ZNF804B: variants seen among roughly 807,000 people sequenced by gnomAD.
ZNF804B encodes the protein zinc finger protein 804B, also known as zinc finger 804B.
Under a neutral mutation model 101.4 loss-of-function variants are expected in ZNF804B, and 80 were observed. That is an observed-to-expected ratio of 0.79 (90% CI 0.66 to 0.95). ZNF804B has a LOEUF of 0.95. Ranked by LOEUF, ZNF804B falls within the 40% of genes least tolerant of loss-of-function variation. The pLI is 0.00. For synonymous variants in ZNF804B, 622 were observed against 558.8 expected (o/e 1.11, Z -1.59); for missense variants, 1,673 against 1,561.9 (o/e 1.07, Z -1.20).
intron 1 of ZNF804B, among the ~76,000 whole-genome samples, chr7:89,031,518 A>G (rs1788834580): frequency 6.6e-6 from 1 of 152,118 alleles, no homozygotes; most frequent in African/African-American, 2.4e-5. Context: ...TCTAAGTGAT[A>G]TAATATGGAT....
chr7:88,962,708 C>CATATATATAT lies in ZNF804B; in HGVS notation c.108+202655_108+202664dup, dbSNP rs71120046. ...AAAGTTATAAATGTTGTTAAACTCA[C>CATATATATAT]ATATATATATATATATATATATATA... On this transcript the variant is annotated intron_variant, in intron 1 of 3. Transcript: ENST00000333190. Among the ~76,000 whole-genome samples the CATATATATAT allele has an allele frequency of 2.2e-3, 186 of 84,126 alleles. 4 individuals carry two copies. Among genetic ancestry groups the CATATATATAT allele is most frequent in the Non-Finnish European group, 2.6e-3 (103 of 39,320 alleles). The allele number at this position is 84,126 out of a possible 152,430, so 55.2% of individuals were successfully genotyped here. A position where few individuals can be genotyped will look rare whatever the true frequency, so the allele number is the denominator to read the frequency against.
chr7:88,926,938 G>GCC (rs113089451), intron 1 of ZNF804B, among the ~76,000 whole-genome samples: 1 of 142,600 alleles, frequency 7.0e-6, no homozygotes, highest in African/African-American at 2.9e-5. Flanking sequence ...CCGGGTGGTG[G>GCC]GGAGCGGGGG....
At chr7:89,059,175 G>A (rs1281840480) in intron 1 of ZNF804B, among the ~76,000 whole-genome samples, 1 of 152,140 alleles carries the variant, frequency 6.6e-6, no homozygotes, top group East Asian at 1.9e-4. Flanking sequence ...TGCATTTTCA[G>A]TTGTATGCAG....
intron 2 of ZNF804B, among the ~76,000 whole-genome samples, chr7:89,293,949 T>A (rs1790340309): frequency 6.6e-6 from 1 of 152,218 alleles, no homozygotes; most frequent in Non-Finnish European, 1.5e-5. Context: ...TTTTCCGGTT[T>A]TGTTAAAAGT....
At chr7:89,084,964 A>G (rs73216667) in intron 1 of ZNF804B, among the ~76,000 whole-genome samples, 4,503 of 152,034 alleles carry the variant, frequency 0.03, 101 homozygotes, top group Non-Finnish European at 0.044. Flanking sequence ...ATAAAATAAT[A>G]TTACTGAAAG....
intron 1 of ZNF804B, among the ~76,000 whole-genome samples, chr7:89,017,186 T>C (rs1436306520): frequency 6.6e-6 from 1 of 152,222 alleles, no homozygotes; most frequent in African/African-American, 2.4e-5. Context: ...ACATTGATAT[T>C]GTATCGTGAG....
intron 1 of ZNF804B, among the ~76,000 whole-genome samples, chr7:89,152,962 A>G (rs1790901635): frequency 6.6e-6 from 1 of 152,130 alleles, no homozygotes; most frequent in African/African-American, 2.4e-5. Context: ...CCACAGGTGT[A>G]TGAAAGAAAA....
chr7:89,027,911 G>T (rs1463374415), intron 1 of ZNF804B, among the ~76,000 whole-genome samples: 1 of 152,120 alleles, frequency 6.6e-6, no homozygotes, highest in Non-Finnish European at 1.5e-5. Context: ...TAGGCAGTTG[G>T]TCATCTCCTT....
chr7:89,248,936 T>C (rs1157010932), intron 2 of ZNF804B, among the ~76,000 whole-genome samples: 1 of 150,358 alleles, frequency 6.7e-6, no homozygotes, highest in East Asian at 1.9e-4. Context: ...AAGTAAAGGA[T>C]TGGAAAAAGA....
intron 1 of ZNF804B, among the ~76,000 whole-genome samples, chr7:88,820,382 G>A (rs1490283947): frequency 1.3e-5 from 2 of 152,122 alleles, no homozygotes; most frequent in African/African-American, 4.8e-5. Context: ...GCCTCCTAGG[G>A]TTCAGGTGTT....
chr7:89,004,974 A>G (rs961079545), intron 1 of ZNF804B, among the ~76,000 whole-genome samples: 1 of 151,894 alleles, frequency 6.6e-6, no homozygotes, highest in East Asian at 1.9e-4. Flanking sequence ...CACAAACACT[A>G]TTATTGTTTA....
intron 1 of ZNF804B, among the ~76,000 whole-genome samples, chr7:88,775,711 TTA>T (rs1790131503): frequency 6.6e-6 from 1 of 152,224 alleles, no homozygotes; most frequent in South Asian, 2.1e-4. Flanking sequence ...TCTTCTCTTC[TTA>T]TAAGAGTCAA....
At chr7:88,828,773 T>C (rs1474307378) in intron 1 of ZNF804B, among the ~76,000 whole-genome samples, 1 of 152,134 alleles carries the variant, frequency 6.6e-6, no homozygotes, top group Non-Finnish European at 1.5e-5. Context: ...ATATTGTTCA[T>C]TCTGACATTT....
At chr7:88,800,480 C>A (rs1199357982) in intron 1 of ZNF804B, among the ~76,000 whole-genome samples, 1 of 152,024 alleles carries the variant, frequency 6.6e-6, no homozygotes, top group Non-Finnish European at 1.5e-5. Context: ...TGGAAATATT[C>A]TTGTGAATCA....
At chr7:89,063,168 T>A (rs1789403308) in intron 1 of ZNF804B, among the ~76,000 whole-genome samples, 1 of 152,110 alleles carries the variant, frequency 6.6e-6, no homozygotes, top group South Asian at 2.1e-4. Flanking sequence ...TCCTCCCCAA[T>A]TAGAAAGAAA....
At chr7:88,770,179 G>A (rs994268104) in intron 1 of ZNF804B, among the ~76,000 whole-genome samples, 1 of 152,074 alleles carries the variant, frequency 6.6e-6, no homozygotes, top group African/African-American at 2.4e-5. Context: ...CCCCAAAGAT[G>A]TTTATATTTG....
At chr7:89,280,221 A>G (rs1025844286) in intron 2 of ZNF804B, among the ~76,000 whole-genome samples, 13 of 152,102 alleles carry the variant, frequency 8.5e-5, no homozygotes, top group African/African-American at 2.7e-4. Flanking sequence ...GAGAACAAAG[A>G]CACAACATAC....
chr7:89,275,294 C>T (rs545538531), intron 2 of ZNF804B, among the ~76,000 whole-genome samples: 5 of 152,096 alleles, frequency 3.3e-5, no homozygotes, highest in South Asian at 2.1e-4. Context: ...CTTGTTAACA[C>T]CCAGAAATAC....
At chr7:88,939,615 A>G (rs1793027370) in intron 1 of ZNF804B, among the ~76,000 whole-genome samples, 1 of 151,958 alleles carries the variant, frequency 6.6e-6, no homozygotes, top group Admixed American at 6.6e-5. Context: ...TTCTCCCATT[A>G]AAAGCCACAG....
Sources: gnomAD v4.1 joint callset for allele counts (sites outside exome capture counted in the v4.1 genomes callset) on GRCh38, gnomAD v4.1.1 for gene constraint, MANE v1.5 for transcripts, NCBI Gene and HGNC (gene_info 2026-07-23, HGNC 2026-07-21) for gene names.